The following MTDH variants were observed in gnomAD, a reference collection of about 807,000 sequenced individuals.
The protein encoded by MTDH is metadherin.
A neutral mutation model predicts 72.7 loss-of-function variants in MTDH; 34 were observed. That is an observed-to-expected ratio of 0.47 (90% CI 0.36 to 0.62). MTDH has a LOEUF of 0.62. MTDH is among the 20% of genes least tolerant of loss of function. MTDH has a pLI of 0.00. For synonymous variants in MTDH, 266 were observed against 268.9 expected (o/e 0.99, Z 0.10); for missense variants, 677 against 699.4 (o/e 0.97, Z 0.36).
At position 97,723,290 on chromosome 8, in the gene MTDH, C is replaced by T. The variant is rs190414882; in HGVS notation, c.1678+255C>T. Among the ~76,000 whole-genome samples the T allele has an allele frequency of 5.7e-3, 861 of 150,326 alleles. 8 individuals are homozygous for T. The highest frequency in any genetic ancestry group is 0.02 in the African/African-American group (801 of 40,854). On this transcript the variant is annotated intron_variant, in intron 11 of 11. Coordinates refer to ENST00000336273, the MANE Select transcript of MTDH (RefSeq NM_178812.4). ...GCGGGTGCCTGTAGTCCCAGCTACT[C>T]GGGAGGCTGAGGCAGGAGAATGGCG...
At chr8:97,715,540 ATACT>A (rs1199876771) in intron 9 of MTDH, among the ~76,000 whole-genome samples, 1 of 152,230 alleles carries the variant, frequency 6.6e-6, no homozygotes, top group Admixed American at 6.5e-5. Context: ...CTTATTATCA[ATACT>A]TGCTTGCTTT....
chr8:97,718,750 A>G (rs942747905), intron 9 of MTDH, among the ~76,000 whole-genome samples: 2 of 151,368 alleles, frequency 1.3e-5, no homozygotes. Flanking sequence ...AGCCTGGAGT[A>G]CAGTGGTGTG....
In MTDH at chr8:97,697,150, A is replaced by ATTTT. The variant is rs59102217; in HGVS notation, c.1049-2597_1049-2594dup. On this transcript the variant is annotated intron_variant, in intron 6 of 11. Transcript: ENST00000336273. ...AAAAAATATATATATATATATATAT[A>ATTTT]TTTTTTTTTTGTGGACCCAGTTTAC... Among the ~76,000 whole-genome samples the ATTTT allele has an allele frequency of 3.9e-4, 27 of 68,772 alleles. 1 individual carries two copies. The highest frequency in any genetic ancestry group is 1.9e-3 in the African/African-American group (21 of 10,960). 45.1% of individuals were successfully genotyped at this position (68,772 alleles called of 152,430 possible). A position where few individuals can be genotyped will look rare whatever the true frequency, so the allele number is the denominator to read the frequency against.
rs1811521498 is a variant in MTDH, at chr8:97,645,241, T to TA, written c.381+356dup. Among the ~76,000 whole-genome samples, 5 of 152,168 alleles carry TA rather than the reference T, an allele frequency of 3.3e-5. No homozygotes were observed. The South Asian group carries it at 1.0e-3, about 32-fold the overall frequency. ...TGCAGAGTAGGCTGCATGTGGAGCG[T>TA]AATGGGACCTTAAGGTGGTGTTAGG... On this transcript the variant is annotated intron_variant, in intron 1 of 11. Coordinates refer to ENST00000336273, the MANE Select transcript of MTDH (RefSeq NM_178812.4).
intron 10 of MTDH, among the ~76,000 whole-genome samples, chr8:97,721,027 T>A (rs1156415805): frequency 1.3e-5 from 2 of 152,052 alleles, no homozygotes; most frequent in Admixed American, 6.6e-5. Flanking sequence ...TTCTGTGACT[T>A]AATGTAGATA....
intron 10 of MTDH, among the ~76,000 whole-genome samples, chr8:97,719,781 A>T (rs1815033334): frequency 6.6e-6 from 1 of 152,196 alleles, no homozygotes; most frequent in African/African-American, 2.4e-5. Context: ...ACATAGAGAA[A>T]ATATGAGTGG....
chr8:97,722,802 T>C (rs1454389505), intron 10 of MTDH, 77 bp from the exon 11 acceptor site: 2 of 1,431,474 alleles, frequency 1.4e-6, no homozygotes, highest in African/African-American at 2.8e-5. Context: ...CTAAACCACC[T>C]CTTGGTATTA....
At chr8:97,645,467 A>G (rs1341318065) in intron 1 of MTDH, among the ~76,000 whole-genome samples, 1 of 152,238 alleles carries the variant, frequency 6.6e-6, no homozygotes, top group African/African-American at 2.4e-5. Context: ...AAATGTGGCC[A>G]ACAGAGGCCG....
intron 1 of MTDH, among the ~76,000 whole-genome samples, chr8:97,658,114 C>G (rs1812048988): frequency 6.6e-6 from 1 of 152,014 alleles, no homozygotes; most frequent in African/African-American, 2.4e-5. Context: ...CTTATTGTTT[C>G]ATGGCATCAG....
intron 10 of MTDH, among the ~76,000 whole-genome samples, chr8:97,721,476 G>C (rs1815121561): frequency 6.6e-6 from 1 of 152,018 alleles, no homozygotes; most frequent in African/African-American, 2.4e-5. Context: ...CAGATACCTG[G>C]AATAGGAAGA....
intron 11 of MTDH, 134 bp downstream of exon 11, chr8:97,723,169 C>T (rs879861018): frequency 3.2e-5 from 25 of 792,602 alleles, no homozygotes; most frequent in South Asian, 4.9e-5. Context: ...GAGGCCGAGG[C>T]GGGCAGATCA....
intron 1 of MTDH, among the ~76,000 whole-genome samples, chr8:97,651,284 G>A (rs555103603): frequency 4.6e-5 from 7 of 152,158 alleles, no homozygotes; most frequent in Admixed American, 1.3e-4. Flanking sequence ...ACGGCCAATA[G>A]CACTAGAACT....
chr8:97,644,552 G>A lies in MTDH; in HGVS notation c.46G>A (p.Glu16Lys), dbSNP rs1811480050. The A allele has an allele frequency of 5.0e-6, 8 of 1,602,180 alleles. No individual in the cohort carries two copies. The East Asian group carries it at 1.8e-4, about 36-fold the overall frequency. The change falls in exon 1 of 12, where the codon GAG (glutamate) becomes AAG (lysine). Residue 16 changes from glutamate (E) to lysine (K), a missense_variant. Physicochemically the swap from Glu to Lys is moderately conservative, Grantham distance 56. Transcript: ENST00000336273. ...WQDELAQQAE[E>K]GSARLREMLS... is the part of the protein sequence containing the mutation. ...GGACGAGCTGGCCCAGCAGGCCGAG[G>A]AGGGCTCGGCCCGGCTGCGGGAAAT... is the stretch of plus-strand genomic sequence containing the variant.
Position 97,690,841 on chromosome 8 carries a change from G to T in MTDH, c.812-111G>T, listed in dbSNP as rs879241079. The stretch of plus-strand genomic sequence containing the variant: ...GGCAATCCTTGGTGATCAAAGGATA[G>T]TAGGGGAAGTGAGTAATAAATATAA... On this transcript the variant is annotated intron_variant, in intron 5 of 11. Coordinates refer to ENST00000336273, the MANE Select transcript of MTDH (RefSeq NM_178812.4). 145 of 753,668 alleles carry T rather than the reference G, an allele frequency of 1.9e-4. 2 individuals are homozygous for T. Among genetic ancestry groups the T allele is most frequent in the South Asian group, 1.6e-3 (79 of 50,184 alleles). The allele number at this position is 753,668 out of a possible 1,614,324, so 46.7% of individuals were successfully genotyped here.
rs561750901 is a variant in MTDH, at chr8:97,715,639, A to G, written c.1380+1870A>G. Among the ~76,000 whole-genome samples, 3 of 152,336 alleles carry G rather than the reference A, an allele frequency of 2.0e-5. No homozygotes were observed. The South Asian group carries it at 6.2e-4, about 32-fold the overall frequency. ...AACAAACTAACACTCTATAATAGGT[A>G]TGCTTTTCTTGTTAGCTGGAGCTGG... On this transcript the variant is annotated intron_variant, in intron 9 of 11. Transcript: ENST00000336273.
chr8:97,670,359 C>T (rs1812562358), intron 2 of MTDH, among the ~76,000 whole-genome samples: 1 of 152,068 alleles, frequency 6.6e-6, no homozygotes, highest in Non-Finnish European at 1.5e-5. Flanking sequence ...TGGCTCGTGC[C>T]TGTAATTCCA....
At chr8:97,673,654 C>G (rs1055301479) in intron 2 of MTDH, among the ~76,000 whole-genome samples, 1 of 139,360 alleles carries the variant, frequency 7.2e-6, no homozygotes, top group Non-Finnish European at 1.5e-5. Flanking sequence ...GAGCAAAACT[C>G]TGTCTTGGGC....
chr8:97,686,719 A>G lies in MTDH; in HGVS notation c.535A>G (p.Ser179Gly). The G allele has an allele frequency of 6.3e-7, 1 of 1,596,720 alleles. No individual in the cohort carries two copies. The highest frequency in any genetic ancestry group is 8.5e-7 in the Non-Finnish European group (1 of 1,172,148). Reference sequence around the variant, plus strand: ...GTCAGATGCTAAAGCAGTGCAAAACAGTTCACGCCATGATGGAAAGGAAGT... The same window carrying G: ...GTCAGATGCTAAAGCAGTGCAAAACGGTTCACGCCATGATGGAAAGGAAGT... ...SKSDAKAVQN[S>G]SRHDGKEVDE... Residue 179 changes from serine to glycine, a missense_variant, in exon 3 of 12, where the codon AGT becomes GGT. By Grantham distance (56) the Ser-to-Gly change is moderately conservative. Around this residue, in one of 3 missense-constraint regions of MTDH, gnomAD observed 467 missense variants for 469.1 expected, o/e 1.00. Transcript: ENST00000336273.
chr8:97,718,046 G>A (rs936709107), intron 9 of MTDH, among the ~76,000 whole-genome samples: 5 of 140,424 alleles, frequency 3.6e-5, no homozygotes, highest in East Asian at 2.2e-4. Flanking sequence ...CACAGCACCC[G>A]GCCTAATTTT....
Sources: gnomAD v4.1 joint callset for allele counts (sites outside exome capture counted in the v4.1 genomes callset) on GRCh38, gnomAD v4.1.1 for gene constraint, gnomAD v4.1.1 regional missense constraint, MANE v1.5 for transcripts, NCBI Gene and HGNC (gene_info 2026-07-23, HGNC 2026-07-21) for gene names.